Variants in VILL observed in about 807,000 individuals in gnomAD.
VILL encodes villin like, also known as villin-like protein.
In VILL, 102 loss-of-function variants were observed where a neutral mutation model predicts 106.3. The observed-to-expected ratio is 0.96, with a 90% CI of 0.82 to 1.13. VILL has a LOEUF of 1.13. VILL is among the 50% of genes most tolerant of loss of function. The probability of loss-of-function intolerance (pLI) is 0.00; values close to 1 mark genes in which losing one functional copy is unlikely to be tolerated. For synonymous variants in VILL, 431 were observed against 440.3 expected, an observed-to-expected ratio of 0.98 and a Z score of 0.27; for missense variants, 1,076 against 1,116.6, an observed-to-expected ratio of 0.96 and a Z score of 0.52.
At position 37,997,338 on chromosome 3, in the gene VILL, A is replaced by C. The variant is rs188483414; in HGVS notation, c.562-145A>C. On this transcript the variant is annotated intron_variant, in intron 6 of 19. Transcript: ENST00000383759. The surrounding 1 kb of genome is among the most constrained non-coding windows in gnomAD (Gnocchi z 4.7). ...GTTACAAGCTGAGTTCAGACCCTGC[A>C]TTGTTGGTGTCCCCCTGGATGCCAG... 145 of 1,156,582 alleles carry C rather than the reference A, an allele frequency of 1.3e-4. No individual in the cohort carries two copies. Among genetic ancestry groups the C allele is most frequent in the Non-Finnish European group, 1.7e-4 (135 of 805,546 alleles). The allele number at this position is 1,156,582 out of a possible 1,614,324, so 71.6% of individuals were successfully genotyped here. A position where few individuals can be genotyped will look rare whatever the true frequency, so the allele number is the denominator to read the frequency against.
chr3:38,005,862 A>C lies in VILL; in HGVS notation c.2021A>C (p.Lys674Thr). The C allele has an allele frequency of 6.2e-7, 1 of 1,614,082 alleles. No individual in the cohort carries two copies. The change falls in exon 17 of 20, where the codon AAG becomes ACG. Residue 674 changes from lysine to threonine, a missense_variant. Lys to Thr is a moderately conservative substitution (Grantham distance 78). Transcript: ENST00000383759. ...GTGGCCTGGGGCCAGGAGTACCTGA[A>C]GACTCACCCAGCAGGGAGGAGCCCG... ...EAVAWGQEYL[K>T]THPAGRSPAT...
chr3:37,993,938 A>C lies in VILL; in HGVS notation c.101A>C (p.Asn34Thr), dbSNP rs767849170. The C allele has an allele frequency of 3.8e-5, 62 of 1,614,046 alleles. No individual in the cohort carries two copies. In the South Asian group the frequency reaches 6.7e-4, roughly 17 times the overall value. ...MVPVPEGAYG[N>T]FFEEHCYVIL... The stretch of plus-strand genomic sequence containing the variant: ...CCGGTACCCGAGGGGGCTTACGGGA[A>C]CTTTTTTGAGGAACACTGCTATGTC... The change falls in exon 3 of 20, where the codon AAC becomes ACC. Residue 34 changes from asparagine (N) to threonine (T), a missense_variant. Transcript: ENST00000383759.
chr3:37,992,741 C>T (rs867080114), intron 1 of VILL, among the ~76,000 whole-genome samples: 1 of 152,182 alleles, frequency 6.6e-6, no homozygotes, highest in Admixed American at 6.5e-5. Flanking sequence ...CCACAGCCTC[C>T]TCCGCTCCCA....
chr3:38,006,475 A>T lies in VILL; in HGVS notation c.2232A>T (p.Arg744Ser), dbSNP rs764716741. 4 of 1,606,296 alleles carry T rather than the reference A, an allele frequency of 2.5e-6. No individual in the cohort carries two copies. The East Asian group carries it at 6.7e-5, about 27-fold the overall frequency. Residue 744 changes from arginine (R) to serine (S), a missense_variant, in exon 19 of 20, where the codon AGA (arginine) becomes AGT (serine). Physicochemically the swap from Arg to Ser is moderately radical, Grantham distance 110. Transcript: ENST00000383759. ...AAGTCAACAACTTGCGGCTATCCAG[A>T]TGGCCGGGCAATGGCAGGGCAGGTG... ...TAEVNNLRLS[R>S]WPGNGRAGAV...
chr3:37,994,390 G>C lies in VILL; in HGVS notation c.265G>C (p.Gly89Arg), dbSNP rs376322843. Residue 89 changes from glycine (G) to arginine (R), a missense_variant, in exon 4 of 20, where the codon GGC (glycine) becomes CGC (arginine). Gly to Arg is a moderately radical substitution (Grantham distance 125). Coordinates refer to ENST00000383759, the MANE Select transcript of VILL (RefSeq NM_015873.4). ...GCAGCGCCTACAGGACGAGCTGGGG[G>C]GCCAGACCGTGCTGCACCGCGAGGC... ...FQQRLQDELG[G>R]QTVLHREAQG... The C allele has an allele frequency of 2.1e-5, 34 of 1,612,500 alleles. No individual in the cohort carries two copies. The highest frequency in any genetic ancestry group is 1.7e-4 in the Admixed American group (10 of 59,908).
Position 37,998,204 on chromosome 3 carries a change from C to T in VILL, c.843+36C>T, listed in dbSNP as rs1052011879. ...CCTGGCCCCAGCTACTTGCATCCTT[C>T]CCCATCCACAACCCCAGCCCAGTCT... On this transcript the variant is annotated intron_variant, in intron 8 of 19. Transcript: ENST00000383759. The surrounding 1 kb of genome is among the most constrained non-coding windows in gnomAD (Gnocchi z 4.1). 2 of 1,613,684 alleles carry T rather than the reference C, an allele frequency of 1.2e-6. No individual in the cohort carries two copies. Among genetic ancestry groups the T allele is most frequent in the Admixed American group, 1.7e-5 (1 of 59,990 alleles).
chr3:37,994,315 G>A lies in VILL; in HGVS notation c.190G>A (p.Val64Ile). The A allele has an allele frequency of 1.3e-5, 21 of 1,612,114 alleles. No homozygotes were observed. Among genetic ancestry groups the A allele is most frequent in the Non-Finnish European group, 1.8e-5 (21 of 1,179,880 alleles). ...GGCGTCCAGCGACCTGCACTACTGG[G>A]TCGGGAAGCAGGCGGGTGCGGAAGC... ...QGASSDLHYW[V>I]GKQAGAEAQG... The change falls in exon 4 of 20, where the codon GTC becomes ATC. Residue 64 changes from valine (V) to isoleucine (I), a missense_variant. Transcript: ENST00000383759.
intron 13 of VILL, 72 bp downstream of exon 13, chr3:38,001,932 C>A (rs1378867914): frequency 1.2e-6 from 2 of 1,604,084 alleles, no homozygotes; most frequent in Non-Finnish European, 1.7e-6. Context: ...GCACACACTT[C>A]TAAGCACCTT....
chr3:37,991,401 A>G (rs1699608463), intron 1 of VILL, among the ~76,000 whole-genome samples: 2 of 128,724 alleles, frequency 1.6e-5, no homozygotes, highest in African/African-American at 6.0e-5. Context: ...GGGGAGGGAG[A>G]GAGGGAGGGG....
chr3:37,995,324 G>A (rs112537986), intron 4 of VILL, among the ~76,000 whole-genome samples: 2,833 of 152,254 alleles, frequency 0.019, 28 homozygotes, highest in Middle Eastern at 0.024. Flanking sequence ...AAACATATGC[G>A]CAGATGCAGA....
rs1343018078 is a variant in VILL, at chr3:37,998,883, C to T, written c.943-29C>T. The T allele has an allele frequency of 6.3e-7, 1 of 1,579,052 alleles. No homozygotes were observed. Among genetic ancestry groups the T allele is most frequent in the Non-Finnish European group, 8.7e-7 (1 of 1,155,576 alleles). ...CAGTGGGGCAGTGGACTCTCAGGGT[C>T]GCAGGACTGACGATGCCTTCCGCCC... On this transcript the variant is annotated intron_variant, in intron 9 of 19. Transcript: ENST00000383759. The surrounding 1 kb of genome is among the most constrained non-coding windows in gnomAD (Gnocchi z 4.1).
In VILL at chr3:38,006,928, T is replaced by G; in HGVS notation, c.2458-14T>G. The G allele has an allele frequency of 6.2e-7, 1 of 1,609,066 alleles. No individual in the cohort carries two copies. The highest frequency in any genetic ancestry group is 8.5e-7 in the Non-Finnish European group (1 of 1,175,752). Reference sequence around the variant, plus strand: ...ACACCCTACCCTGTACCTCCCCCTCTCTCCCCTGCCCAGTTCTATCTCTCA... The same window carrying G: ...ACACCCTACCCTGTACCTCCCCCTCGCTCCCCTGCCCAGTTCTATCTCTCA... On this transcript the variant is annotated splice_polypyrimidine_tract_variant and intron_variant, in intron 19 of 19. Transcript: ENST00000383759.
intron 13 of VILL, 62 bp downstream of exon 13, chr3:38,001,922 GCA>G (rs781542643): frequency 6.2e-7 from 1 of 1,608,988 alleles, no homozygotes; most frequent in South Asian, 1.1e-5. Flanking sequence ...CATGGCCCCC[GCA>G]CACACTTCTA....
chr3:37,997,405 G>A lies in VILL; in HGVS notation c.562-78G>A. On this transcript the variant is annotated intron_variant, in intron 6 of 19. Transcript: ENST00000383759. This position sits in a 1 kb window ranked among gnomAD's most constrained non-coding sequence, Gnocchi z 4.7. ...CCCTTCTCCCCATCAGCCTCTGGGA[G>A]CTGAGCAGTGACAGGAGAAGTCTCT... 1 of 1,492,010 alleles carries A rather than the reference G, an allele frequency of 6.7e-7. No homozygotes were observed. The highest frequency in any genetic ancestry group is 1.4e-5 in the African/African-American group (1 of 72,456). The allele number at this position is 1,492,010 out of a possible 1,614,324, so 92.4% of individuals were successfully genotyped here.
intron 4 of VILL, among the ~76,000 whole-genome samples, chr3:37,995,355 A>G (rs1225568945): frequency 1.3e-5 from 2 of 152,260 alleles, no homozygotes; most frequent in East Asian, 3.8e-4. Flanking sequence ...ACCCTCATGT[A>G]TGTCCACCTA....
upstream of VILL, among the ~76,000 whole-genome samples, chr3:37,990,333 T>G (rs1291390111): frequency 6.6e-6 from 1 of 152,140 alleles, no homozygotes; most frequent in Non-Finnish European, 1.5e-5. The surrounding 1 kb of genome is among the most constrained non-coding windows in gnomAD (Gnocchi z 5.1). Context: ...CACCTTCCCC[T>G]CCTGAAGTGA....
At position 37,997,344 on chromosome 3, in the gene VILL, G is replaced by T; in HGVS notation, c.562-139G>T. The T allele has an allele frequency of 8.6e-7, 1 of 1,161,216 alleles. No homozygotes were observed. 71.9% of individuals were successfully genotyped at this position (1,161,216 alleles called of 1,614,324 possible). On this transcript the variant is annotated intron_variant, in intron 6 of 19. Transcript: ENST00000383759. This position sits in a 1 kb window ranked among gnomAD's most constrained non-coding sequence, Gnocchi z 4.7. ...AGCTGAGTTCAGACCCTGCATTGTT[G>T]GTGTCCCCCTGGATGCCAGGATGAG...
chr3:37,997,982 C>G lies in VILL; in HGVS notation c.765-108C>G. On this transcript the variant is annotated intron_variant, in intron 7 of 19. Transcript: ENST00000383759. This position sits in a 1 kb window ranked among gnomAD's most constrained non-coding sequence, Gnocchi z 4.7. ...AGACTACAACTCGGGGCCCCAGCCCCCATGCCTTCTGTCTCTGAGGGACTG... is the reference window on the plus strand; with the variant it reads ...AGACTACAACTCGGGGCCCCAGCCCGCATGCCTTCTGTCTCTGAGGGACTG... 1 of 1,203,868 alleles carries G rather than the reference C, an allele frequency of 8.3e-7. No homozygotes were observed. Among genetic ancestry groups the G allele is most frequent in the Non-Finnish European group, 1.2e-6 (1 of 866,396 alleles). 74.6% of individuals were successfully genotyped at this position (1,203,868 alleles called of 1,614,324 possible).
At chr3:38,001,152 T>C (rs1402126662) in intron 11 of VILL, 1 of 539,294 alleles carries the variant, frequency 1.9e-6, no homozygotes, top group Non-Finnish European at 3.4e-6. Context: ...GGGAGGGGAC[T>C]GAACTGCCCC....
Sources: allele counts gnomAD v4.1 joint callset (sites outside exome capture counted in the v4.1 genomes callset), GRCh38; gene constraint gnomAD v4.1.1; non-coding constraint Gnocchi (gnomAD v3.1); transcripts MANE v1.5; gene names NCBI Gene and HGNC (gene_info 2026-07-23, HGNC 2026-07-21).